Variants in KCNB2 observed in about 807,000 individuals in gnomAD.
KCNB2 encodes delayed rectifier potassium channel protein.
In KCNB2, 15 loss-of-function variants were observed where a neutral mutation model predicts 61.5. The observed-to-expected ratio is 0.24, with a 90% CI of 0.16 to 0.38. The LOEUF is 0.38. Among genes scored for constraint, KCNB2 ranks in the 10% least tolerant of loss-of-function variants. The pLI is 1.00. For synonymous variants in KCNB2, 457 were observed against 446.0 expected (o/e 1.02, Z -0.31); for missense variants, 828 against 1,125.2 (o/e 0.74, Z 3.78).
At chr8:72,560,432 T>A (rs2128978090) in intron 1 of KCNB2, among the ~76,000 whole-genome samples, 1 of 152,314 alleles carries the variant, frequency 6.6e-6, no homozygotes, top group Non-Finnish European at 1.5e-5. Context: ...AGTTCGTGAT[T>A]TATTTTTCAG....
chr8:72,842,289 T>G (rs1002054277), intron 2 of KCNB2, among the ~76,000 whole-genome samples: 19 of 152,224 alleles, frequency 1.2e-4, no homozygotes, highest in African/African-American at 4.6e-4. Context: ...GAAGCCATCT[T>G]GAACATGGTG....
At chr8:72,841,175 G>C (rs185255762) in intron 2 of KCNB2, among the ~76,000 whole-genome samples, 1 of 151,994 alleles carries the variant, frequency 6.6e-6, no homozygotes, top group Non-Finnish European at 1.5e-5. Flanking sequence ...TTTCCCCATT[G>C]CTTGTTTTTG....
chr8:72,932,393 T>A (rs1442671939), intron 2 of KCNB2, among the ~76,000 whole-genome samples: 2 of 152,168 alleles, frequency 1.3e-5, no homozygotes, highest in African/African-American at 2.4e-5. Flanking sequence ...ATTTACCTAA[T>A]CTAAATGGGT....
intron 2 of KCNB2, among the ~76,000 whole-genome samples, chr8:72,921,290 T>C (rs1426088423): frequency 6.6e-6 from 1 of 152,164 alleles, no homozygotes; most frequent in East Asian, 1.9e-4. Flanking sequence ...TATTCTACTT[T>C]TTTTAAAAAA....
chr8:72,615,028 C>T (rs1404935654), intron 2 of KCNB2, among the ~76,000 whole-genome samples: 1 of 152,162 alleles, frequency 6.6e-6, no homozygotes, highest in Non-Finnish European at 1.5e-5. Context: ...ATGAGGAGAG[C>T]CAAACCTCCC....
At chr8:72,556,590 G>GA (rs894131052) in intron 1 of KCNB2, among the ~76,000 whole-genome samples, 2 of 151,952 alleles carry the variant, frequency 1.3e-5, no homozygotes, top group African/African-American at 4.8e-5. Context: ...ATAATGAATA[G>GA]AAAAAAATCA....
At chr8:72,722,271 A>T (rs537877560) in intron 2 of KCNB2, among the ~76,000 whole-genome samples, 3 of 152,308 alleles carry the variant, frequency 2.0e-5, no homozygotes, top group African/African-American at 7.2e-5. Context: ...CTGCAGGCAG[A>T]ATGATCTTCC....
chr8:72,764,479 T>G (rs929841842), intron 2 of KCNB2, among the ~76,000 whole-genome samples: 1 of 152,070 alleles, frequency 6.6e-6, no homozygotes, highest in Non-Finnish European at 1.5e-5. Context: ...TATCAACTAG[T>G]GTGATGGTCA....
intron 2 of KCNB2, among the ~76,000 whole-genome samples, chr8:72,764,790 A>G (rs961148370): frequency 6.6e-6 from 1 of 152,192 alleles, no homozygotes; most frequent in Admixed American, 6.5e-5. Context: ...TTATCAAGAG[A>G]AAATGAGCAC....
intron 2 of KCNB2, among the ~76,000 whole-genome samples, chr8:72,887,177 G>A (rs866519051): frequency 3.9e-5 from 6 of 152,122 alleles, no homozygotes; most frequent in Non-Finnish European, 4.4e-5. Context: ...AAATAAAGCC[G>A]CAGCATTAGA....
chr8:72,679,295 AT>A (rs1806713328), intron 2 of KCNB2, among the ~76,000 whole-genome samples: 2 of 152,338 alleles, frequency 1.3e-5, no homozygotes, highest in South Asian at 4.1e-4. Flanking sequence ...TTATGTTCTT[AT>A]TCATACACAG....
intron 1 of KCNB2, among the ~76,000 whole-genome samples, chr8:72,552,276 A>T (rs944762215): frequency 6.6e-6 from 1 of 152,186 alleles, no homozygotes; most frequent in African/African-American, 2.4e-5. Flanking sequence ...TTAAGAACAG[A>T]ACTCAGCCTC....
chr8:72,578,856 G>C (rs917652832), intron 2 of KCNB2, among the ~76,000 whole-genome samples: 1 of 152,138 alleles, frequency 6.6e-6, no homozygotes, highest in African/African-American at 2.4e-5. Flanking sequence ...TTTCTCCCCC[G>C]TTGCACTTTG....
At chr8:72,842,266 G>T (rs1809905489) in intron 2 of KCNB2, among the ~76,000 whole-genome samples, 1 of 152,186 alleles carries the variant, frequency 6.6e-6, no homozygotes, top group African/African-American at 2.4e-5. Flanking sequence ...AATCAGGCTT[G>T]CATCCCTGGG....
chr8:72,805,856 A>G (rs1809210877), intron 2 of KCNB2, among the ~76,000 whole-genome samples: 3 of 152,166 alleles, frequency 2.0e-5, no homozygotes, highest in Admixed American at 2.0e-4. Context: ...TGACTACTGG[A>G]ACCATGTATT....
chr8:72,751,614 G>C (rs143925032), intron 2 of KCNB2: 152 of 152,248 alleles, frequency 1.0e-3, no homozygotes, highest in African/African-American at 3.4e-3. Context: ...GGACTTCTTG[G>C]TTCCCCTAAA....
chr8:72,768,241 A>C (rs1808492745), intron 2 of KCNB2, among the ~76,000 whole-genome samples: 1 of 151,874 alleles, frequency 6.6e-6, no homozygotes, highest in Non-Finnish European at 1.5e-5. Flanking sequence ...CAGTGGCATG[A>C]TCTCAGCTCA....
At chr8:72,729,981 G>T (rs1464356738) in intron 2 of KCNB2, among the ~76,000 whole-genome samples, 4 of 152,050 alleles carry the variant, frequency 2.6e-5, no homozygotes, top group Non-Finnish European at 5.9e-5. Flanking sequence ...TTTTAATTTG[G>T]TCATTTCAGT....
intron 2 of KCNB2, among the ~76,000 whole-genome samples, chr8:72,697,247 C>G (rs1291317841): frequency 6.6e-6 from 1 of 152,118 alleles, no homozygotes; most frequent in Non-Finnish European, 1.5e-5. Flanking sequence ...AACTCTGGTG[C>G]AGATTGAGAT....
Sources: allele counts gnomAD v4.1 joint callset (sites outside exome capture counted in the v4.1 genomes callset), GRCh38; gene constraint gnomAD v4.1.1; transcripts MANE v1.5; gene names NCBI Gene and HGNC (gene_info 2026-07-23, HGNC 2026-07-21).